Variants in FRMD6 observed in about 807,000 individuals in gnomAD.
The protein encoded by FRMD6 is FERM domain containing 6.
Under a neutral mutation model 73.2 loss-of-function variants are expected in FRMD6, and 37 were observed. The ratio of observed to expected loss-of-function variants is 0.51; its 90% confidence interval spans 0.39 to 0.66. The LOEUF (loss-of-function observed/expected upper bound fraction) is 0.66. FRMD6 is among the 30% of genes least tolerant of loss of function. The pLI is 0.00. For missense variants in FRMD6, 714 were observed against 780.5 expected (o/e 0.91, Z 1.02); for synonymous variants, 273 against 282.2 (o/e 0.97, Z 0.33).
rs562738624 is a variant in FRMD6, at chr14:51,527,797, A to G, written c.-210+38377A>G. Among the ~76,000 whole-genome samples the G allele has an allele frequency of 3.9e-5, 6 of 152,316 alleles. No individual in the cohort carries two copies. The South Asian group carries it at 1.0e-3, about 26-fold the overall frequency. ...GTACCTTTATGAGAGACAGATGGTG[A>G]GGCATACATTAACATGGCTTCCACT... On this transcript the variant is annotated intron_variant, in intron 1 of 14. Transcript: ENST00000356218.
At chr14:51,501,452 A>G (rs1566779777) in intron 1 of FRMD6, among the ~76,000 whole-genome samples, 1 of 152,088 alleles carries the variant, frequency 6.6e-6, no homozygotes, top group Admixed American at 6.5e-5. Flanking sequence ...CCCACTTGTA[A>G]GTGAGAACAT....
chr14:51,668,636 A>G (rs1482842140), intron 1 of FRMD6, among the ~76,000 whole-genome samples: 1 of 150,464 alleles, frequency 6.6e-6, no homozygotes, highest in Non-Finnish European at 1.5e-5. Context: ...ATTAGAATGC[A>G]GGAGGCTGTG....
At chr14:51,493,003 G>T (rs1024304598) in intron 1 of FRMD6, among the ~76,000 whole-genome samples, 3 of 152,142 alleles carry the variant, frequency 2.0e-5, no homozygotes, top group African/African-American at 7.2e-5. Flanking sequence ...TCACAATCCT[G>T]GGATATAGGT....
chr14:51,450,087 C>T, the FRMD6 span, among the ~76,000 whole-genome samples: 585 of 152,292 alleles, frequency 3.8e-3, 2 homozygotes, highest in East Asian at 8.7e-3. Context: ...AACAATCATA[C>T]CTGTGGCAAA....
At chr14:51,520,391 C>T (rs546796158) in intron 1 of FRMD6, among the ~76,000 whole-genome samples, 1 of 152,286 alleles carries the variant, frequency 6.6e-6, no homozygotes, top group Admixed American at 6.5e-5. Flanking sequence ...AGTTTCTTAT[C>T]AAGTTAATCA....
intron 13 of FRMD6, 137 bp from the exon 14 acceptor site, chr14:51,727,608 A>G: frequency 1.3e-6 from 1 of 753,386 alleles, no homozygotes; most frequent in South Asian, 1.9e-5. Context: ...CATACAGCCC[A>G]GAAACCACAG....
chr14:51,482,193 G>C, the FRMD6 span, among the ~76,000 whole-genome samples: 1 of 152,194 alleles, frequency 6.6e-6, no homozygotes, highest in Non-Finnish European at 1.5e-5. Flanking sequence ...GGCTTTACCT[G>C]ACTTTGGACT....
At chr14:51,570,176 G>A (rs1888056484) in intron 1 of FRMD6, among the ~76,000 whole-genome samples, 1 of 152,080 alleles carries the variant, frequency 6.6e-6, no homozygotes, top group Non-Finnish European at 1.5e-5. Flanking sequence ...TAGTCCAATT[G>A]CATTTTCTTC....
At chr14:51,673,625 A>G (rs1382369179) in intron 1 of FRMD6, among the ~76,000 whole-genome samples, 1 of 152,168 alleles carries the variant, frequency 6.6e-6, no homozygotes, top group Non-Finnish European at 1.5e-5. Context: ...GCAGCAATTA[A>G]TATTTGATGG....
intron 2 of FRMD6, among the ~76,000 whole-genome samples, chr14:51,597,979 C>A (rs1889816654): frequency 6.6e-6 from 1 of 152,102 alleles, no homozygotes; most frequent in African/African-American, 2.4e-5. Flanking sequence ...CCCCAACCAT[C>A]CATTTTTGCT....
chr14:51,527,661 G>A (rs369989911), intron 1 of FRMD6, among the ~76,000 whole-genome samples: 12 of 152,300 alleles, frequency 7.9e-5, no homozygotes, highest in African/African-American at 2.9e-4. Flanking sequence ...TTTATGCTCA[G>A]CAGCTTCTCT....
chr14:51,427,610 A>G, the FRMD6 span, among the ~76,000 whole-genome samples: 3 of 152,242 alleles, frequency 2.0e-5, no homozygotes, highest in East Asian at 5.8e-4. Flanking sequence ...CGTGTTGGCT[A>G]TAAGTTGCAG....
intron 2 of FRMD6, among the ~76,000 whole-genome samples, chr14:51,627,344 G>C (rs2064921): frequency 0.24 from 36,856 of 152,120 alleles, 4,958 homozygotes; most frequent in Admixed American, 0.36. Flanking sequence ...AGATTAGAAA[G>C]GCATTTTATA....
chr14:51,440,070 C>G, the FRMD6 span, among the ~76,000 whole-genome samples: 6 of 152,240 alleles, frequency 3.9e-5, no homozygotes, highest in East Asian at 1.2e-3. Flanking sequence ...GAAAACAAAC[C>G]CTTGTTAATT....
chr14:51,527,741 C>T (rs528089988), intron 1 of FRMD6, among the ~76,000 whole-genome samples: 1 of 152,208 alleles, frequency 6.6e-6, no homozygotes, highest in Non-Finnish European at 1.5e-5. Context: ...ACTAACTGTA[C>T]CTTTCAGCCA....
intron 2 of FRMD6, among the ~76,000 whole-genome samples, chr14:51,573,185 A>AG (rs34427590): frequency 2.0e-5 from 3 of 152,166 alleles, no homozygotes; most frequent in Non-Finnish European, 4.4e-5. Context: ...TGGAGGATAA[A>AG]GGGGGGTTAT....
chr14:51,525,975 G>A (rs1003103030), intron 1 of FRMD6, among the ~76,000 whole-genome samples: 109 of 152,158 alleles, frequency 7.2e-4, no homozygotes, highest in African/African-American at 2.5e-3. Flanking sequence ...TCCTGGCAGG[G>A]CACAGGAGGC....
the FRMD6 span, among the ~76,000 whole-genome samples, chr14:51,467,011 G>T: frequency 6.6e-6 from 1 of 151,128 alleles, no homozygotes; most frequent in East Asian, 1.9e-4. Flanking sequence ...GGTGTTTCTC[G>T]TAGAGGGGGA....
At chr14:51,452,773 A>G in the FRMD6 span, among the ~76,000 whole-genome samples, 1 of 152,260 alleles carries the variant, frequency 6.6e-6, no homozygotes, top group Non-Finnish European at 1.5e-5. Flanking sequence ...TGGAACAGTC[A>G]GAGTGTAAGA....
Sources: gnomAD v4.1 joint callset for allele counts (sites outside exome capture counted in the v4.1 genomes callset) on GRCh38, gnomAD v4.1.1 for gene constraint, MANE v1.5 for transcripts, NCBI Gene and HGNC (gene_info 2026-07-23, HGNC 2026-07-21) for gene names.